Variants in GPR183 observed in about 807,000 individuals in gnomAD.
GPR183 encodes G protein-coupled receptor 183.
A neutral mutation model predicts 19.7 loss-of-function variants in GPR183; 9 were observed. The observed-to-expected ratio is 0.46, with a 90% CI of 0.28 to 0.80. The LOEUF (loss-of-function observed/expected upper bound fraction) is 0.80. Among genes scored for constraint, GPR183 ranks in the 30% least tolerant of loss-of-function variants. GPR183 has a pLI of 0.13. For missense variants in GPR183, 368 were observed against 446.7 expected, an observed-to-expected ratio of 0.82 and a Z score of 1.59; for synonymous variants, 160 against 155.1, an observed-to-expected ratio of 1.03 and a Z score of -0.24.
At chr13:99,303,482 G>A (rs2044285759) in intron 1 of GPR183, among the ~76,000 whole-genome samples, 1 of 152,188 alleles carries the variant, frequency 6.6e-6, no homozygotes, top group African/African-American at 2.4e-5. Context: ...ATATTGAAAA[G>A]TATGGAAGTT....
intron 1 of GPR183, among the ~76,000 whole-genome samples, chr13:99,306,054 C>T (rs2044329540): frequency 6.6e-6 from 1 of 152,048 alleles, no homozygotes; most frequent in Non-Finnish European, 1.5e-5. Context: ...TGCCACCGTG[C>T]CTGGCTAACT....
intron 1 of GPR183, among the ~76,000 whole-genome samples, chr13:99,304,429 C>T (rs2044301333): frequency 6.6e-6 from 1 of 152,106 alleles, no homozygotes; most frequent in African/African-American, 2.4e-5. Context: ...GATTTTCTTC[C>T]CTGTCTCCCA....
rs1298132079 is a variant in GPR183 at position 99,294,893 on chromosome 13, ATGTT to A, written c.*163_*166del. On this transcript the variant is annotated 3_prime_UTR_variant, in exon 2 of 2. Coordinates refer to ENST00000376414, the MANE Select transcript of GPR183 (RefSeq NM_004951.5). ...TATTGTGCTTTATGTTGTTTGCTTT[ATGTT>A]GTTCTCTTGGGCTTACTTCCGAGTT... 1.6e-6 allele frequency: 1 copy of A among 642,940 alleles called. No homozygotes were observed. The highest frequency in any genetic ancestry group is 2.6e-6 in the Non-Finnish European group (1 of 385,222). 39.8% of individuals were successfully genotyped at this position (642,940 alleles called of 1,614,324 possible).
intron 1 of GPR183, among the ~76,000 whole-genome samples, chr13:99,304,287 T>C (rs993292683): frequency 1.3e-5 from 2 of 152,198 alleles, no homozygotes; most frequent in African/African-American, 4.8e-5. Flanking sequence ...CCCTATCCTG[T>C]ATCCTTAGCT....
At chr13:99,304,839 T>C (rs2044308325) in intron 1 of GPR183, among the ~76,000 whole-genome samples, 2 of 152,132 alleles carry the variant, frequency 1.3e-5, no homozygotes, top group Admixed American at 1.3e-4. Context: ...ATACATTTTA[T>C]CTCCTATTTC....
At chr13:99,301,338 A>G (rs2044253981) in intron 1 of GPR183, among the ~76,000 whole-genome samples, 1 of 152,208 alleles carries the variant, frequency 6.6e-6, no homozygotes, top group Non-Finnish European at 1.5e-5. Context: ...GAAGCCATCT[A>G]TGCCATTCTC....
At chr13:99,307,134 C>T (rs933819844) in intron 1 of GPR183, among the ~76,000 whole-genome samples, 3 of 152,132 alleles carry the variant, frequency 2.0e-5, no homozygotes, top group Admixed American at 6.5e-5. Context: ...GTGGACCCAT[C>T]GCTTTCAGTC....
chr13:99,296,734 C>T (rs998888548), intron 1 of GPR183, among the ~76,000 whole-genome samples: 2 of 151,978 alleles, frequency 1.3e-5, no homozygotes, highest in African/African-American at 4.8e-5. Flanking sequence ...ATGTTAGGAA[C>T]TGAAAGTTAG....
chr13:99,306,689 T>C (rs2138747190), intron 1 of GPR183, among the ~76,000 whole-genome samples: 1 of 152,266 alleles, frequency 6.6e-6, no homozygotes, highest in East Asian at 1.9e-4. Flanking sequence ...CTCAGGCACA[T>C]AGAAAAGATA....
chr13:99,294,610 A>G lies in GPR183; in HGVS notation c.*450T>C, dbSNP rs770322872. 4.6e-4 allele frequency: 71 copies of G among 153,950 alleles called. No homozygotes were observed. Among genetic ancestry groups the G allele is most frequent in the Non-Finnish European group, 5.5e-4 (38 of 69,356 alleles). The allele number at this position is 153,950 out of a possible 1,614,324, so 9.5% of individuals were successfully genotyped here. A position where few individuals can be genotyped will look rare whatever the true frequency, so the allele number is the denominator to read the frequency against. ...TTTATGACCCAGAACGAAACAAAAC[A>G]AAACATTGGTGTTATTGAGGGAATT... On this transcript the variant is annotated 3_prime_UTR_variant, in exon 2 of 2. Coordinates refer to ENST00000376414, the MANE Select transcript of GPR183 (RefSeq NM_004951.5).
At position 99,295,099 on chromosome 13, in the gene GPR183, C is replaced by T. The variant is rs552868630; in HGVS notation, c.1047G>A (p.Thr349=). The change falls in exon 2 of 2, where the codon ACG becomes ACA. Residue 349 remains threonine (T), a synonymous_variant. Transcript: ENST00000376414. This position sits in a 1 kb window ranked among gnomAD's most constrained non-coding sequence, Gnocchi z 4.1. ...AAGACTTGGAATGTATCATCATCTG[C>T]GTTTCTGTCATTTCACGTGAATTTT... ...PEENSREMTE[T]QMMIHSKSSN... is the part of the protein sequence containing the mutation. The T allele has an allele frequency of 3.7e-5, 60 of 1,614,014 alleles. No individual in the cohort carries two copies. The Middle Eastern group carries it at 4.9e-4, about 13-fold the overall frequency.
chr13:99,299,162 C>T (rs2044220147), intron 1 of GPR183, among the ~76,000 whole-genome samples: 1 of 152,164 alleles, frequency 6.6e-6, no homozygotes, highest in Non-Finnish European at 1.5e-5. Context: ...CTGACTGCAT[C>T]ACCAAATAAG....
chr13:99,299,705 T>C (rs1452614916), intron 1 of GPR183, among the ~76,000 whole-genome samples: 1 of 152,194 alleles, frequency 6.6e-6, no homozygotes. Context: ...CTGTTCAGTG[T>C]TCCTTTTTCA....
intron 1 of GPR183, among the ~76,000 whole-genome samples, chr13:99,305,663 C>T (rs1393204680): frequency 3.3e-5 from 5 of 152,154 alleles, no homozygotes; most frequent in African/African-American, 1.2e-4. Context: ...CTAATTAGCT[C>T]TAGGAAGCCA....
chr13:99,303,825 G>A (rs187500620), intron 1 of GPR183, among the ~76,000 whole-genome samples: 5 of 152,280 alleles, frequency 3.3e-5, no homozygotes, highest in Admixed American at 3.3e-4. Flanking sequence ...TGAATTCCAG[G>A]TCAACTCGGT....
chr13:99,304,054 C>T (rs1023842148), intron 1 of GPR183, among the ~76,000 whole-genome samples: 1 of 152,184 alleles, frequency 6.6e-6, no homozygotes, highest in Non-Finnish European at 1.5e-5. Context: ...GGCTCTCAAA[C>T]GGGGCCCATC....
At chr13:99,304,169 G>A (rs910483977) in intron 1 of GPR183, among the ~76,000 whole-genome samples, 1 of 152,152 alleles carries the variant, frequency 6.6e-6, no homozygotes, top group Admixed American at 6.5e-5. Context: ...TCCCCTGATC[G>A]TGGCCTGGCT....
Position 99,295,161 on chromosome 13 carries a change from C to A in GPR183, c.985G>T (p.Val329Leu). ...GACTTCACAGCACTAGAAATCGATA[C>A]ACTGACTTGCCGTTTCAGCATCCTC... ...VMRMLKRQVSVSISSAVKSAP... is the reference protein window; with the variant it reads ...VMRMLKRQVSLSISSAVKSAP... The change falls in exon 2 of 2, where the codon GTA becomes TTA. Residue 329 changes from valine to leucine, a missense_variant. By Grantham distance (32) the Val-to-Leu change is conservative. Coordinates refer to ENST00000376414, the MANE Select transcript of GPR183 (RefSeq NM_004951.5). This position sits in a 1 kb window ranked among gnomAD's most constrained non-coding sequence, Gnocchi z 4.1. 2 of 1,614,152 alleles carry A rather than the reference C, an allele frequency of 1.2e-6. No homozygotes were observed. The highest frequency in any genetic ancestry group is 1.7e-6 in the Non-Finnish European group (2 of 1,180,012).
In GPR183 at chr13:99,294,937, G is replaced by A. The variant is rs2044145261; in HGVS notation, c.*123C>T. The A allele has an allele frequency of 2.8e-6, 3 of 1,069,858 alleles. No individual in the cohort carries two copies. The highest frequency in any genetic ancestry group is 1.7e-5 in the South Asian group (1 of 59,992). 66.3% of individuals were successfully genotyped at this position (1,069,858 alleles called of 1,614,324 possible). A position where few individuals can be genotyped will look rare whatever the true frequency, so the allele number is the denominator to read the frequency against. On this transcript the variant is annotated 3_prime_UTR_variant, in exon 2 of 2. Coordinates refer to ENST00000376414, the MANE Select transcript of GPR183 (RefSeq NM_004951.5). ...ACTTCCGAGTTGGAGATGGGAAAGT[G>A]CCCAATGAAAGAAATATAAAAGAAT...
Sources: gnomAD v4.1 joint callset for allele counts (sites outside exome capture counted in the v4.1 genomes callset) on GRCh38, gnomAD v4.1.1 for gene constraint, Gnocchi (gnomAD v3.1) non-coding constraint, MANE v1.5 for transcripts, NCBI Gene and HGNC (gene_info 2026-07-23, HGNC 2026-07-21) for gene names.